SEMA5B: variants seen among roughly 807,000 people sequenced by gnomAD.
The protein encoded by SEMA5B is semaphorin-5B.
In SEMA5B, 66 loss-of-function variants were observed where a neutral mutation model predicts 135.0. The ratio of observed to expected loss-of-function variants is 0.49; its 90% CI spans 0.40 to 0.60. The LOEUF (loss-of-function observed/expected upper bound fraction) is 0.60, where lower values mean the gene tolerates loss of function less well. Ranked by LOEUF, SEMA5B falls within the 20% of genes least tolerant of loss-of-function variation. The pLI, the probability that SEMA5B is intolerant of heterozygous loss-of-function variation, is 0.00. For synonymous variants in SEMA5B, 690 were observed against 639.5 expected (o/e 1.08, Z -1.19); for missense variants, 1,501 against 1,566.3 (o/e 0.96, Z 0.70).
intron 1 of SEMA5B, among the ~76,000 whole-genome samples, chr3:122,998,570 GC>G (rs1942085607): frequency 6.6e-6 from 1 of 152,180 alleles, no homozygotes; most frequent in South Asian, 2.1e-4. Flanking sequence ...CTGCAGAGCT[GC>G]CAGAATTCCA....
rs7647110 is a variant in SEMA5B at position 122,911,215 on chromosome 3, C to A, written c.3092-170G>T. 3,575 of 1,019,680 alleles carry A rather than the reference C, an allele frequency of 3.5e-3. 89 individuals carry two copies. In the African/African-American group the frequency reaches 0.053, roughly 15 times the overall value. The allele number at this position is 1,019,680 out of a possible 1,614,324, so 63.2% of individuals were successfully genotyped here. A position where few individuals can be genotyped will look rare whatever the true frequency, so the allele number is the denominator to read the frequency against. ...AGGCTGGGGAGGCTGTCACTGGGGA[C>A]CTCTTTCACAAGGTACCCTGTGGCT... is the stretch of plus-strand genomic sequence containing the variant. On this transcript the variant is annotated intron_variant, in intron 21 of 22. Coordinates refer to ENST00000357599, the MANE Select transcript of SEMA5B (RefSeq NM_001031702.4).
At chr3:123,001,588 G>A (rs949816878) in intron 1 of SEMA5B, among the ~76,000 whole-genome samples, 1 of 152,096 alleles carries the variant, frequency 6.6e-6, no homozygotes, top group African/African-American at 2.4e-5. Context: ...TATTTATAAT[G>A]TACTGAAGAA....
Position 122,975,945 on chromosome 3 carries a change from A to C in SEMA5B, c.-38-14644T>G, listed in dbSNP as rs1485377366. 11 of 1,522,072 alleles carry C rather than the reference A, an allele frequency of 7.2e-6. No homozygotes were observed. In the African/African-American group the frequency reaches 9.7e-5, roughly 13 times the overall value. 94.3% of individuals were successfully genotyped at this position (1,522,072 alleles called of 1,614,324 possible). On this transcript the variant is annotated intron_variant, in intron 1 of 22. Transcript: ENST00000357599. ...CTCTCTGGCCATTCCCCCTCCATCC[A>C]ACCTCCTCAACACATCCCAAATCTA... is the stretch of plus-strand genomic sequence containing the variant.
At chr3:123,015,701 C>T (rs1194956276) in intron 1 of SEMA5B, among the ~76,000 whole-genome samples, 3 of 152,160 alleles carry the variant, frequency 2.0e-5, no homozygotes, top group Non-Finnish European at 4.4e-5. Context: ...TTATATTAGG[C>T]ATTGTCACCC....
At chr3:122,925,090 C>A (rs770673019) in intron 9 of SEMA5B, among the ~76,000 whole-genome samples, 6 of 152,188 alleles carry the variant, frequency 3.9e-5, no homozygotes, top group Non-Finnish European at 5.9e-5. Context: ...ACTCTCGTTT[C>A]GGTCCACCCC....
chr3:123,000,671 G>A (rs1048568757), intron 1 of SEMA5B, among the ~76,000 whole-genome samples: 14 of 152,168 alleles, frequency 9.2e-5, no homozygotes, highest in Non-Finnish European at 1.6e-4. Context: ...CTCAAACCCA[G>A]GGACTCAAAC....
At chr3:123,018,952 C>T (rs1285061087) in intron 1 of SEMA5B, among the ~76,000 whole-genome samples, 1 of 152,160 alleles carries the variant, frequency 6.6e-6, no homozygotes, top group African/African-American at 2.4e-5. Context: ...AGTTTTCTAG[C>T]ATGGGTTACC....
At chr3:122,932,711 A>G (rs1190890450) in intron 5 of SEMA5B, among the ~76,000 whole-genome samples, 2 of 152,046 alleles carry the variant, frequency 1.3e-5, no homozygotes, top group Non-Finnish European at 2.9e-5. Flanking sequence ...CCACTTGTAT[A>G]GGTTTATGCT....
At chr3:122,936,568 G>A (rs1347851708) in intron 5 of SEMA5B, among the ~76,000 whole-genome samples, 1 of 152,198 alleles carries the variant, frequency 6.6e-6, no homozygotes, top group Non-Finnish European at 1.5e-5. Context: ...TAAATCTGTT[G>A]CAATTAGGCC....
At chr3:122,979,753 A>G (rs971292929) in intron 1 of SEMA5B, among the ~76,000 whole-genome samples, 4 of 152,216 alleles carry the variant, frequency 2.6e-5, no homozygotes, top group Admixed American at 6.5e-5. Context: ...TGTTGTCTCC[A>G]GCCCCCTTGC....
chr3:123,017,016 T>C (rs9811818), intron 1 of SEMA5B, among the ~76,000 whole-genome samples: 41,457 of 150,382 alleles, frequency 0.28, 11,135 homozygotes, highest in African/African-American at 0.71. Context: ...CTCAGCCTCC[T>C]GAGTAGCTGG....
chr3:123,012,065 C>T (rs1425679474), intron 1 of SEMA5B, among the ~76,000 whole-genome samples: 4 of 152,152 alleles, frequency 2.6e-5, no homozygotes, highest in Non-Finnish European at 4.4e-5. Context: ...TTGGCTTCGC[C>T]GTGGCCTAGG....
At position 122,915,842 on chromosome 3, in the gene SEMA5B, C is replaced by T. The variant is rs780238036; in HGVS notation, c.1737G>A (p.Gln579=). Residue 579 remains glutamine (Q), a synonymous_variant, in exon 13 of 23, where the codon CAG becomes CAA. Coordinates refer to ENST00000357599, the MANE Select transcript of SEMA5B (RefSeq NM_001031702.4). ...RDPYCGWDGK[Q]QRCSTLEDSS... ...TGTCCTCGAGTGTGCTGCAACGTTG[C>T]TGCTTCCCGTCCCAGCCACAGTACG... The T allele has an allele frequency of 6.2e-7, 1 of 1,614,036 alleles. No homozygotes were observed. The highest frequency in any genetic ancestry group is 8.5e-7 in the Non-Finnish European group (1 of 1,180,004).
chr3:122,914,027 C>A, intron 14 of SEMA5B, 26 bp from the exon 15 acceptor site: 1 of 1,552,318 alleles, frequency 6.4e-7, no homozygotes, highest in Non-Finnish European at 8.7e-7. Flanking sequence ...GGGACAGAGA[C>A]AGATGCCCCT....
rs113120880 is a variant in SEMA5B at position 122,959,884 on chromosome 3, T to A, written c.124+1256A>T. Reference sequence around the variant, plus strand: ...TTCTTATTTACCAAACATTCTGTAATGTTTTATTGTTTTTGCAAGGAAAAA... The same window carrying A: ...TTCTTATTTACCAAACATTCTGTAAAGTTTTATTGTTTTTGCAAGGAAAAA... On this transcript the variant is annotated intron_variant, in intron 2 of 22. Transcript: ENST00000357599. Among the ~76,000 whole-genome samples, 768 of 152,358 alleles carry A rather than the reference T, an allele frequency of 5.0e-3. 4 individuals carry two copies. The highest frequency in any genetic ancestry group is 0.018 in the African/African-American group (731 of 41,576).
chr3:123,027,303 G>C (rs1331664298), intron 1 of SEMA5B, 161 bp downstream of exon 1: 1 of 152,424 alleles, frequency 6.6e-6, no homozygotes. Context: ...CGGAAGCCAG[G>C]GGACCCCCTG....
intron 1 of SEMA5B, among the ~76,000 whole-genome samples, chr3:122,987,632 G>C (rs1941743921): frequency 6.6e-6 from 1 of 152,166 alleles, no homozygotes; most frequent in African/African-American, 2.4e-5. Context: ...TATGCTGCTG[G>C]GGCAGCAGAG....
At position 122,945,886 on chromosome 3, in the gene SEMA5B, A is replaced by C. The variant is rs983949442; in HGVS notation, c.329-2351T>G. ...CTCTTCCAGTTTCCGTCCCTCTCCC[A>C]GTAGCCCTCACCCACATGGGCAAGG... On this transcript the variant is annotated intron_variant, in intron 3 of 22. Transcript: ENST00000357599. Among the ~76,000 whole-genome samples the C allele has an allele frequency of 4.6e-5, 7 of 151,396 alleles. No individual in the cohort carries two copies. In the Middle Eastern group the frequency reaches 0.014, roughly 296 times the overall value.
intron 22 of SEMA5B, among the ~76,000 whole-genome samples, chr3:122,910,596 T>C (rs1047559181): frequency 1.3e-5 from 2 of 151,430 alleles, no homozygotes; most frequent in Non-Finnish European, 2.9e-5. Context: ...GATCACGAGG[T>C]CAGGAGATCG....
Sources: allele counts gnomAD v4.1 joint callset (sites outside exome capture counted in the v4.1 genomes callset), GRCh38; gene constraint gnomAD v4.1.1; transcripts MANE v1.5; gene names NCBI Gene and HGNC (gene_info 2026-07-23, HGNC 2026-07-21).